The following POC1B variants were observed in gnomAD, a reference collection of about 807,000 sequenced individuals.
POC1B encodes the protein POC1 centriolar protein homolog B.
Under a neutral mutation model 60.6 loss-of-function variants are expected in POC1B, and 44 were observed. The observed-to-expected ratio is 0.73, with a 90% CI of 0.57 to 0.93. The LOEUF (loss-of-function observed/expected upper bound fraction) is 0.93, where lower values mean the gene tolerates loss of function less well. POC1B is among the 40% of genes least tolerant of loss of function. The pLI, the probability that POC1B is intolerant of heterozygous loss-of-function variation, is 0.00. For missense variants in POC1B, 555 were observed against 572.3 expected, an observed-to-expected ratio of 0.97 and a Z score of 0.31; for synonymous variants, 180 against 198.9, an observed-to-expected ratio of 0.90 and a Z score of 0.80.
At chr12:89,431,427 A>C (rs79107432) in intron 10 of POC1B, among the ~76,000 whole-genome samples, 2,420 of 144,514 alleles carry the variant, frequency 0.017, 62 homozygotes, top group African/African-American at 0.057. Context: ...TGAGATTTTT[A>C]AATCACTACA....
chr12:89,465,064 T>G (rs558622560), intron 9 of POC1B, among the ~76,000 whole-genome samples: 1 of 152,222 alleles, frequency 6.6e-6, no homozygotes, highest in African/African-American at 2.4e-5. Flanking sequence ...AATTCCACGA[T>G]GAAGAAAAGT....
At chr12:89,464,139 A>C (rs1882584841) in intron 9 of POC1B, among the ~76,000 whole-genome samples, 1 of 152,216 alleles carries the variant, frequency 6.6e-6, no homozygotes, top group African/African-American at 2.4e-5. Context: ...ATTTTCCTTA[A>C]ATCCTAATAC....
intron 4 of POC1B, among the ~76,000 whole-genome samples, chr12:89,474,610 T>A (rs1008392991): frequency 2.6e-5 from 4 of 152,126 alleles, no homozygotes; most frequent in African/African-American, 7.2e-5. Context: ...CAGAGGCACA[T>A]AAAGGATAAG....
chr12:89,503,066 GA>G (rs1034722185), intron 2 of POC1B, among the ~76,000 whole-genome samples: 1 of 127,254 alleles, frequency 7.9e-6, no homozygotes, highest in East Asian at 2.9e-4. Flanking sequence ...TCATTTTTGT[GA>G]AAAAAAGACA....
At chr12:89,503,957 G>A (rs1869756687) in intron 2 of POC1B, among the ~76,000 whole-genome samples, 1 of 147,228 alleles carries the variant, frequency 6.8e-6, no homozygotes, top group Non-Finnish European at 1.5e-5. Flanking sequence ...GAGCGTCTCC[G>A]CCCGGCAGCC....
intron 4 of POC1B, among the ~76,000 whole-genome samples, chr12:89,490,769 C>G (rs1868923306): frequency 6.6e-6 from 1 of 152,186 alleles, no homozygotes; most frequent in Non-Finnish European, 1.5e-5. Flanking sequence ...CATTCACCTG[C>G]CAAGAGACTG....
At chr12:89,522,765 G>T (rs756598070) in intron 2 of POC1B, 4 of 1,520,568 alleles carry the variant, frequency 2.6e-6, no homozygotes, top group South Asian at 2.7e-5. Context: ...AAGGCTCTTT[G>T]ACTTTCTTGA....
intron 4 of POC1B, among the ~76,000 whole-genome samples, chr12:89,489,197 G>T (rs1172302955): frequency 6.6e-6 from 1 of 152,166 alleles, no homozygotes; most frequent in Non-Finnish European, 1.5e-5. Context: ...ACTATGTGAG[G>T]TGCACCGTTC....
At chr12:89,402,770 C>T in the POC1B span, among the ~76,000 whole-genome samples, 1 of 152,154 alleles carries the variant, frequency 6.6e-6, no homozygotes, top group Non-Finnish European at 1.5e-5. Context: ...GACAAGGTCT[C>T]GCTCTTTCAC....
rs938332828 is a variant in POC1B at position 89,500,000 on chromosome 12, G to C, written c.101-2658C>G. 6 of 862,088 alleles carry C rather than the reference G, an allele frequency of 7.0e-6. No homozygotes were observed. In the African/African-American group the frequency reaches 1.0e-4, roughly 14 times the overall value. 53.4% of individuals were successfully genotyped at this position (862,088 alleles called of 1,614,324 possible). A position where few individuals can be genotyped will look rare whatever the true frequency, so the allele number is the denominator to read the frequency against. On this transcript the variant is annotated intron_variant, in intron 2 of 11. Coordinates refer to ENST00000313546, the MANE Select transcript of POC1B (RefSeq NM_172240.3). ...GGTGTTGCTTGGCCGCCGCCTGGTA[G>C]TCCGGCGATTCATTTCTTGCTCGGC... is the stretch of plus-strand genomic sequence containing the variant.
At chr12:89,439,223 G>A (rs1422567603) in intron 10 of POC1B, among the ~76,000 whole-genome samples, 1 of 152,146 alleles carries the variant, frequency 6.6e-6, no homozygotes, top group African/African-American at 2.4e-5. Context: ...ACGCCTGCAT[G>A]CCTGATTCCT....
intron 9 of POC1B, among the ~76,000 whole-genome samples, chr12:89,462,082 T>C (rs1298654770): frequency 6.6e-6 from 1 of 152,156 alleles, no homozygotes; most frequent in Non-Finnish European, 1.5e-5. Context: ...AAAAAAATCC[T>C]TGACCTACAA....
intron 9 of POC1B, 88 bp from the exon 10 acceptor site, chr12:89,459,806 A>G: frequency 1.4e-6 from 1 of 704,488 alleles, no homozygotes. Flanking sequence ...GCATTTTCTA[A>G]TATATTCTAA....
intron 4 of POC1B, among the ~76,000 whole-genome samples, chr12:89,487,409 G>A (rs1868695739): frequency 6.6e-6 from 1 of 152,176 alleles, no homozygotes; most frequent in African/African-American, 2.4e-5. Context: ...CATTTTCAGT[G>A]ACTCCTCCCC....
chr12:89,474,170 C>A lies in POC1B; in HGVS notation c.453-1895G>T, dbSNP rs565754716. Among the ~76,000 whole-genome samples, 8 of 151,734 alleles carry A rather than the reference C, an allele frequency of 5.3e-5. No individual in the cohort carries two copies. In the South Asian group the frequency reaches 1.7e-3, roughly 32 times the overall value. On this transcript the variant is annotated intron_variant, in intron 4 of 11. Transcript: ENST00000313546. ...GCAGTGAGCCGAGATTGCACCACTG[C>A]ACTCTAGCCTGGGTTACAGAGTAAG... is the stretch of plus-strand genomic sequence containing the variant.
intron 4 of POC1B, among the ~76,000 whole-genome samples, chr12:89,481,387 C>T (rs528170143): frequency 6.6e-6 from 1 of 152,282 alleles, no homozygotes; most frequent in African/African-American, 2.4e-5. Flanking sequence ...AGGCAAGAGA[C>T]AGCATAGGGT....
At chr12:89,500,007 G>A (rs941933205) in intron 2 of POC1B, 10 of 904,126 alleles carry the variant, frequency 1.1e-5, no homozygotes, top group South Asian at 1.0e-4. Flanking sequence ...GTAGTCCGGC[G>A]ATTCATTTCT....
intron 10 of POC1B, chr12:89,425,625 T>C (rs185380983): frequency 3.0e-6 from 1 of 337,130 alleles, no homozygotes. Context: ...AAACACACTT[T>C]CCATACACTG....
At chr12:89,523,378 TTG>T in intron 2 of POC1B, 2 of 1,614,068 alleles carry the variant, frequency 1.2e-6, no homozygotes, top group Non-Finnish European at 1.7e-6. Flanking sequence ...GAAGTGCTCT[TTG>T]TATTCATCCA....
Sources: gnomAD v4.1 joint callset for allele counts (sites outside exome capture counted in the v4.1 genomes callset) on GRCh38, gnomAD v4.1.1 for gene constraint, MANE v1.5 for transcripts, NCBI Gene and HGNC (gene_info 2026-07-23, HGNC 2026-07-21) for gene names.